The following HS6ST3 variants were observed in gnomAD, a reference collection of about 807,000 sequenced individuals.
The protein encoded by HS6ST3 is heparan-sulfate 6-O-sulfotransferase 3.
A neutral mutation model predicts 36.7 loss-of-function variants in HS6ST3; 12 were observed. The ratio of observed to expected loss-of-function variants is 0.33; its 90% CI spans 0.21 to 0.53. HS6ST3 has a LOEUF of 0.53. Among genes scored for constraint, HS6ST3 ranks in the 20% least tolerant of loss-of-function variants. The probability of loss-of-function intolerance (pLI) is 0.95; values close to 1 mark genes in which losing one functional copy is unlikely to be tolerated. For missense variants in HS6ST3, 584 were observed against 640.9 expected, an observed-to-expected ratio of 0.91 and a Z score of 0.96; for synonymous variants, 240 against 257.5, an observed-to-expected ratio of 0.93 and a Z score of 0.65.
chr13:96,130,560 G>C (rs9562033), intron 1 of HS6ST3, among the ~76,000 whole-genome samples: 1 of 152,316 alleles, frequency 6.6e-6, no homozygotes, highest in East Asian at 1.9e-4. Context: ...AGGATCTCAA[G>C]ACATGGGGTG....
chr13:96,807,061 T>G (rs1170259834), intron 1 of HS6ST3, among the ~76,000 whole-genome samples: 1 of 152,190 alleles, frequency 6.6e-6, no homozygotes, highest in African/African-American at 2.4e-5. Flanking sequence ...TGTGGCTTAT[T>G]TCTAAGCCTC....
At chr13:96,559,013 G>T (rs1156941762) in intron 1 of HS6ST3, among the ~76,000 whole-genome samples, 2 of 152,028 alleles carry the variant, frequency 1.3e-5, no homozygotes, top group East Asian at 3.9e-4. Flanking sequence ...AGGAAGCTCT[G>T]CTAGCATCAA....
intron 1 of HS6ST3, among the ~76,000 whole-genome samples, chr13:96,647,448 T>G (rs756783791): frequency 1.3e-5 from 2 of 152,160 alleles, no homozygotes; most frequent in South Asian, 4.1e-4. Flanking sequence ...CATCCTTTCC[T>G]AATGCCCTTT....
chr13:96,163,186 T>C (rs183321938), intron 1 of HS6ST3, among the ~76,000 whole-genome samples: 154 of 151,984 alleles, frequency 1.0e-3, no homozygotes, highest in Middle Eastern at 3.4e-3. Flanking sequence ...TTTTCTGTGT[T>C]GTTTCAGTGC....
chr13:96,663,175 G>A (rs529092992), intron 1 of HS6ST3, among the ~76,000 whole-genome samples: 2 of 152,252 alleles, frequency 1.3e-5, no homozygotes, highest in Admixed American at 1.3e-4. Context: ...AGAGGTCAAG[G>A]AGTCTGCACC....
At chr13:96,568,299 C>T (rs1400596891) in intron 1 of HS6ST3, among the ~76,000 whole-genome samples, 1 of 152,152 alleles carries the variant, frequency 6.6e-6, no homozygotes, top group African/African-American at 2.4e-5. Flanking sequence ...CAGAGTCTTG[C>T]TCTGTCACCC....
At chr13:96,643,454 C>T (rs151194529) in intron 1 of HS6ST3, among the ~76,000 whole-genome samples, 58 of 152,080 alleles carry the variant, frequency 3.8e-4, no homozygotes, top group Non-Finnish European at 8.2e-4. Flanking sequence ...CTCCTGTGGA[C>T]ATCTCATTAC....
chr13:96,123,991 A>T (rs984876688), intron 1 of HS6ST3, among the ~76,000 whole-genome samples: 2 of 152,156 alleles, frequency 1.3e-5, no homozygotes, highest in African/African-American at 4.8e-5. Context: ...AAAAATGCAG[A>T]GCTTATTGGA....
At chr13:96,633,411 C>T (rs1404515616) in intron 1 of HS6ST3, among the ~76,000 whole-genome samples, 2 of 152,094 alleles carry the variant, frequency 1.3e-5, no homozygotes, top group African/African-American at 2.4e-5. Flanking sequence ...ATGCAGTATG[C>T]TCCAAAGGTA....
chr13:96,243,698 T>C (rs1215090562), intron 1 of HS6ST3, among the ~76,000 whole-genome samples: 3 of 152,180 alleles, frequency 2.0e-5, no homozygotes, highest in Non-Finnish European at 4.4e-5. Flanking sequence ...ATGAACATCT[T>C]TACATGCAAA....
intron 1 of HS6ST3, among the ~76,000 whole-genome samples, chr13:96,464,290 C>T (rs1298728921): frequency 1.3e-5 from 2 of 151,886 alleles, no homozygotes; most frequent in Non-Finnish European, 2.9e-5. Flanking sequence ...TTCTTCTCTG[C>T]TATATAAACT....
chr13:96,512,848 CCT>C (rs1263792863), intron 1 of HS6ST3, among the ~76,000 whole-genome samples: 2 of 149,830 alleles, frequency 1.3e-5, no homozygotes, highest in Admixed American at 6.7e-5. Flanking sequence ...TTTTTTTCTT[CCT>C]CTCTCTTTTC....
At chr13:96,552,553 A>C (rs1212291272) in intron 1 of HS6ST3, among the ~76,000 whole-genome samples, 1 of 152,188 alleles carries the variant, frequency 6.6e-6, no homozygotes, top group Non-Finnish European at 1.5e-5. Flanking sequence ...TGTGGATGTC[A>C]TCCTGCTGCC....
At position 96,776,994 on chromosome 13, in the gene HS6ST3, C is replaced by T. The variant is rs1289324944; in HGVS notation, c.708-55496C>T. On this transcript the variant is annotated intron_variant, in intron 1 of 1. Transcript: ENST00000376705. ...AGCACATCAAAAAGCTTATCCACCACGATTAAGTTGGCTTCATCCCTGGGA... is the reference window on the plus strand; with the variant it reads ...AGCACATCAAAAAGCTTATCCACCATGATTAAGTTGGCTTCATCCCTGGGA... 5.3e-5 allele frequency among the ~76,000 whole-genome samples: 8 copies of T among 152,154 alleles called. No individual in the cohort carries two copies. The East Asian group carries it at 5.8e-4, about 11-fold the overall frequency.
chr13:96,576,872 A>G (rs2056323407), intron 1 of HS6ST3, among the ~76,000 whole-genome samples: 1 of 136,832 alleles, frequency 7.3e-6, no homozygotes, highest in Admixed American at 8.4e-5. Flanking sequence ...TGAACCCAGG[A>G]GGCAAAGGTT....
At chr13:96,133,500 G>A (rs1005537662) in intron 1 of HS6ST3, among the ~76,000 whole-genome samples, 1 of 152,102 alleles carries the variant, frequency 6.6e-6, no homozygotes, top group African/African-American at 2.4e-5. Flanking sequence ...TTGGCTCACT[G>A]GAACCTCTGC....
rs192677226 is a variant in HS6ST3 at position 96,411,498 on chromosome 13, G to A, written c.707+319929G>A. On this transcript the variant is annotated intron_variant, in intron 1 of 1. Coordinates refer to ENST00000376705, the MANE Select transcript of HS6ST3 (RefSeq NM_153456.4). ...CATTTTGGTGGGAGTAGAGCTAAAC[G>A]AGGTTTTGGGGAAGTAGTACTAGAT... Among the ~76,000 whole-genome samples, 6 of 152,294 alleles carry A rather than the reference G, an allele frequency of 3.9e-5. No individual in the cohort carries two copies. The East Asian group carries it at 5.8e-4, about 15-fold the overall frequency.
intron 1 of HS6ST3, among the ~76,000 whole-genome samples, chr13:96,741,647 C>T (rs1876441302): frequency 6.6e-6 from 1 of 152,100 alleles, no homozygotes; most frequent in Non-Finnish European, 1.5e-5. Context: ...CAAGATCTCC[C>T]CACTGACTGA....
intron 1 of HS6ST3, among the ~76,000 whole-genome samples, chr13:96,769,646 A>G (rs1032730454): frequency 3.3e-5 from 5 of 151,014 alleles, no homozygotes; most frequent in African/African-American, 1.2e-4. Flanking sequence ...TTACTTTTTA[A>G]AGGTTGGTAA....
Sources: gnomAD v4.1 joint callset for allele counts (sites outside exome capture counted in the v4.1 genomes callset) on GRCh38, gnomAD v4.1.1 for gene constraint, MANE v1.5 for transcripts, NCBI Gene and HGNC (gene_info 2026-07-23, HGNC 2026-07-21) for gene names.